Variants in IQCM observed in about 807,000 individuals in gnomAD.
The protein encoded by IQCM is IQ domain-containing protein M.
IQCM carries 45 observed loss-of-function variants against 57.6 expected under a neutral mutation model. The ratio of observed to expected loss-of-function variants is 0.78; its 90% CI spans 0.62 to 1.00. The LOEUF is 1.00. Among genes scored for constraint, IQCM ranks in the 50% least tolerant of loss-of-function variants. The pLI is 0.00. For missense variants in IQCM, 468 were observed against 511.6 expected, an observed-to-expected ratio of 0.91 and a Z score of 0.82; for synonymous variants, 148 against 158.9, an observed-to-expected ratio of 0.93 and a Z score of 0.51.
intron 9 of IQCM, among the ~76,000 whole-genome samples, chr4:149,565,058 T>C (rs1383600223): frequency 2.0e-5 from 3 of 152,132 alleles, no homozygotes; most frequent in African/African-American, 4.8e-5. Context: ...ATTTTTGGCA[T>C]ATAAAAATGC....
chr4:149,762,056 A>G (rs1395113817), intron 2 of IQCM, among the ~76,000 whole-genome samples: 1 of 152,054 alleles, frequency 6.6e-6, no homozygotes, highest in African/African-American at 2.4e-5. Flanking sequence ...TGAAGAATTT[A>G]TCTCCATTGA....
chr4:149,587,520 A>G (rs1390966171), intron 9 of IQCM, among the ~76,000 whole-genome samples: 1 of 151,850 alleles, frequency 6.6e-6, no homozygotes, highest in Non-Finnish European at 1.5e-5. Flanking sequence ...AGTTTTTAAT[A>G]GAGTCATTGA....
rs915008958 is a variant in IQCM at position 149,621,176 on chromosome 4, G to A, written c.634C>T (p.Arg212Ter). The stretch of plus-strand genomic sequence containing the variant: ...GATGATGATTGAGAGAAACTAACTC[G>A]ACGGGAGTCACAAGCCAAACGGAAA... ...RSFRLACDSR[R>*]VSFSQSSSIF... The change falls in exon 8 of 14, where the codon CGA (arginine) becomes TGA (stop). Residue 212 changes from arginine (R) to a stop codon, truncating the protein, a stop_gained. Coordinates refer to ENST00000636793, the MANE Select transcript of IQCM (RefSeq NM_001363507.2). LOFTEE classifies it high-confidence loss of function. 7.1e-5 allele frequency: 87 copies of A among 1,231,562 alleles called. No individual in the cohort carries two copies. The highest frequency in any genetic ancestry group is 8.4e-5 in the Admixed American group (2 of 23,686). The allele number at this position is 1,231,562 out of a possible 1,614,324, so 76.3% of individuals were successfully genotyped here.
chr4:149,481,515 CTT>C (rs1454535594), intron 12 of IQCM, among the ~76,000 whole-genome samples: 1 of 151,850 alleles, frequency 6.6e-6, no homozygotes, highest in East Asian at 1.9e-4. Flanking sequence ...AACAGACTGT[CTT>C]TTTCCCAGTG....
intron 13 of IQCM, among the ~76,000 whole-genome samples, chr4:149,417,811 C>A (rs981968378): frequency 6.7e-6 from 1 of 150,172 alleles, no homozygotes; most frequent in Non-Finnish European, 1.5e-5. Flanking sequence ...TTCTCTATTT[C>A]CCTTTTTCCT....
chr4:149,727,520 G>A (rs1299720999), intron 5 of IQCM, among the ~76,000 whole-genome samples: 4 of 152,192 alleles, frequency 2.6e-5, no homozygotes, highest in Admixed American at 2.6e-4. Flanking sequence ...AAACAAGCAA[G>A]AAGGGAAAAC....
chr4:149,703,360 T>C (rs1763909437), intron 5 of IQCM, among the ~76,000 whole-genome samples: 1 of 151,802 alleles, frequency 6.6e-6, no homozygotes, highest in Non-Finnish European at 1.5e-5. Flanking sequence ...ATGTTAACAT[T>C]AAAATTAGTA....
At position 149,674,636 on chromosome 4, in the gene IQCM, C is replaced by A. The variant is rs546419323; in HGVS notation, c.565+7482G>T. On this transcript the variant is annotated intron_variant, in intron 7 of 13. Coordinates refer to ENST00000636793, the MANE Select transcript of IQCM (RefSeq NM_001363507.2). ...TGCCTATAATCTCCAAAGAAAAAAA[C>A]CTTTCCAGGCAGAGAGAACAACACA... 3.3e-5 allele frequency among the ~76,000 whole-genome samples: 5 copies of A among 152,054 alleles called. No individual in the cohort carries two copies. The South Asian group carries it at 1.0e-3, about 31-fold the overall frequency.
chr4:149,407,166 C>G (rs970747145), intron 13 of IQCM, among the ~76,000 whole-genome samples: 1 of 152,100 alleles, frequency 6.6e-6, no homozygotes. Flanking sequence ...TCAATTATCC[C>G]CCCCCAGGTC....
intron 13 of IQCM, among the ~76,000 whole-genome samples, chr4:149,426,119 T>G (rs1734445196): frequency 6.6e-6 from 1 of 152,004 alleles, no homozygotes; most frequent in African/African-American, 2.4e-5. Context: ...CTAGAACTTG[T>G]TTTGAACCTA....
intron 2 of IQCM, among the ~76,000 whole-genome samples, chr4:149,756,665 A>G (rs1353677940): frequency 2.0e-5 from 3 of 152,214 alleles, no homozygotes; most frequent in Non-Finnish European, 4.4e-5. Context: ...TATTACTTAC[A>G]AAAATTTAAA....
chr4:149,457,322 G>T (rs1417220729), intron 12 of IQCM, among the ~76,000 whole-genome samples: 1 of 151,972 alleles, frequency 6.6e-6, no homozygotes, highest in African/African-American at 2.4e-5. Flanking sequence ...GTCCTCTCTA[G>T]CTTCCTCAAT....
chr4:149,650,984 T>A lies in IQCM; in HGVS notation c.566-29740A>T, dbSNP rs188423029. On this transcript the variant is annotated intron_variant, in intron 7 of 13. Coordinates refer to ENST00000636793, the MANE Select transcript of IQCM (RefSeq NM_001363507.2). ...TTTGCCCCTTTTTTCTTCTTGGAAA[T>A]AATCCAAAACCATTAATAAAAGTGA... 2.0e-5 allele frequency among the ~76,000 whole-genome samples: 3 copies of A among 152,260 alleles called. No individual in the cohort carries two copies. In the East Asian group the frequency reaches 5.8e-4, roughly 29 times the overall value.
intron 2 of IQCM, among the ~76,000 whole-genome samples, chr4:149,765,252 C>T (rs898561338): frequency 6.6e-6 from 1 of 151,908 alleles, no homozygotes; most frequent in South Asian, 2.1e-4. Context: ...ATGAGGTGAC[C>T]TCAAGGAGCA....
At chr4:149,744,635 G>A (rs1366333191) in intron 2 of IQCM, among the ~76,000 whole-genome samples, 1 of 152,058 alleles carries the variant, frequency 6.6e-6, no homozygotes, top group African/African-American at 2.4e-5. Flanking sequence ...GGAGCTGGGG[G>A]TGTAGAACGG....
intron 12 of IQCM, among the ~76,000 whole-genome samples, chr4:149,450,033 T>G (rs544645838): frequency 1.9e-4 from 29 of 151,626 alleles, no homozygotes; most frequent in African/African-American, 6.8e-4. Flanking sequence ...GGAACAGAAA[T>G]GAGAACTCAG....
chr4:149,704,990 G>C lies in IQCM; in HGVS notation c.386-18522C>G, dbSNP rs907957947. On this transcript the variant is annotated intron_variant, in intron 5 of 13. Transcript: ENST00000636793. The stretch of plus-strand genomic sequence containing the variant: ...CTGAAGCCTTTGGACTCTGACTCCA[G>C]AACTTACACCCCTGGTTCTAAGGCC... Among the ~76,000 whole-genome samples the C allele has an allele frequency of 2.6e-5, 4 of 151,652 alleles. No homozygotes were observed. The East Asian group carries it at 5.8e-4, about 22-fold the overall frequency.
At chr4:149,534,601 T>C (rs866086982) in intron 12 of IQCM, among the ~76,000 whole-genome samples, 5 of 152,050 alleles carry the variant, frequency 3.3e-5, no homozygotes, top group African/African-American at 1.2e-4. Context: ...GACGAGAATA[T>C]TTTGAAAGAA....
chr4:149,647,684 G>T (rs763999090), intron 7 of IQCM, among the ~76,000 whole-genome samples: 2 of 149,764 alleles, frequency 1.3e-5, no homozygotes, highest in Non-Finnish European at 3.0e-5. Context: ...TTTTTATTTG[G>T]TTTTCTTCAT....
Sources: allele counts gnomAD v4.1 joint callset (sites outside exome capture counted in the v4.1 genomes callset), GRCh38; gene constraint gnomAD v4.1.1; transcripts MANE v1.5; gene names NCBI Gene and HGNC (gene_info 2026-07-23, HGNC 2026-07-21).